EFCAB11: variants seen among roughly 807,000 people sequenced by gnomAD.
EFCAB11 encodes EF-hand calcium-binding domain-containing protein 11.
A neutral mutation model predicts 23.0 loss-of-function variants in EFCAB11; 14 were observed. The observed-to-expected ratio is 0.61, with a 90% CI of 0.40 to 0.95. The LOEUF is 0.95. Among genes scored for constraint, EFCAB11 ranks in the 40% least tolerant of loss-of-function variants. EFCAB11 has a pLI of 0.00. For missense variants in EFCAB11, 198 were observed against 195.8 expected (o/e 1.01, Z -0.07); for synonymous variants, 65 against 66.6 (o/e 0.98, Z 0.11).
At chr14:89,847,504 C>T (rs918148142) in intron 5 of EFCAB11, among the ~76,000 whole-genome samples, 4 of 152,100 alleles carry the variant, frequency 2.6e-5, no homozygotes, top group Admixed American at 6.5e-5. Context: ...CTTTGGGAGG[C>T]AGAGGCGGGC....
chr14:89,887,745 A>G (rs1175081110), intron 5 of EFCAB11, among the ~76,000 whole-genome samples: 2 of 152,252 alleles, frequency 1.3e-5, no homozygotes, highest in Non-Finnish European at 2.9e-5. Context: ...TATGGAATAA[A>G]GAAAGCAAAC....
intron 5 of EFCAB11, among the ~76,000 whole-genome samples, chr14:89,803,995 A>G (rs1056079005): frequency 1.3e-5 from 2 of 152,250 alleles, no homozygotes. Flanking sequence ...CTAGGCTCCA[A>G]CATGACTTTG....
At chr14:89,828,981 G>A (rs1387676514) in intron 5 of EFCAB11, among the ~76,000 whole-genome samples, 1 of 152,192 alleles carries the variant, frequency 6.6e-6, no homozygotes, top group Non-Finnish European at 1.5e-5. Context: ...GTTAAAGCTG[G>A]CAACGTATTT....
intron 5 of EFCAB11, among the ~76,000 whole-genome samples, chr14:89,877,044 GTT>G (rs148793164): frequency 6.8e-6 from 1 of 146,768 alleles, no homozygotes. Context: ...ATGACCAAAA[GTT>G]TTTTTTTTTT....
intron 5 of EFCAB11, among the ~76,000 whole-genome samples, chr14:89,929,871 C>T (rs1890330808): frequency 6.6e-6 from 1 of 152,146 alleles, no homozygotes; most frequent in Admixed American, 6.5e-5. Context: ...TCTTGAATGG[C>T]TATATTTAAA....
At chr14:89,827,073 T>G (rs147690747) in intron 5 of EFCAB11, among the ~76,000 whole-genome samples, 84 of 152,108 alleles carry the variant, frequency 5.5e-4, no homozygotes, top group African/African-American at 2.0e-3. Flanking sequence ...GAATTTAATA[T>G]AAAAGAAATA....
chr14:89,940,831 T>G (rs752973122), intron 3 of EFCAB11, among the ~76,000 whole-genome samples: 16 of 152,302 alleles, frequency 1.1e-4, no homozygotes, highest in Middle Eastern at 6.8e-3. Flanking sequence ...GAGGATTCAG[T>G]GGGACAATGC....
chr14:89,915,466 G>A (rs1889811331), intron 5 of EFCAB11, among the ~76,000 whole-genome samples: 1 of 152,228 alleles, frequency 6.6e-6, no homozygotes, highest in African/African-American at 2.4e-5. Flanking sequence ...ACCAACTGGT[G>A]AAAGAGGTGT....
At chr14:89,848,983 C>T (rs1439851709) in intron 5 of EFCAB11, 1 of 152,164 alleles carries the variant, frequency 6.6e-6, no homozygotes, top group African/African-American at 2.4e-5. Flanking sequence ...AAAGGAATAA[C>T]GTTCAGTGAT....
At position 89,932,475 on chromosome 14, in the gene EFCAB11, A is replaced by AT. The variant is rs1890423535; in HGVS notation, c.319+50_319+51insA. ...TTACTGGGTATATAATCCTATTTGC[A>AT]ATCCCTTAAAAGTAATTTTTTTTAC... On this transcript the variant is annotated intron_variant, in intron 4 of 5. Transcript: ENST00000316738. 2.1e-6 allele frequency: 3 copies of AT among 1,416,850 alleles called. No homozygotes were observed. In the African/African-American group the frequency reaches 4.4e-5, roughly 21 times the overall value. The allele number at this position is 1,416,850 out of a possible 1,614,324, so 87.8% of individuals were successfully genotyped here.
intron 3 of EFCAB11, among the ~76,000 whole-genome samples, chr14:89,940,463 TAATA>T (rs1302420332): frequency 2.6e-5 from 4 of 152,212 alleles, no homozygotes; most frequent in African/African-American, 9.6e-5. Context: ...GACAAGATAT[TAATA>T]AATAAAAGCA....
At chr14:89,818,930 C>T (rs1193694225) in intron 5 of EFCAB11, among the ~76,000 whole-genome samples, 1 of 152,136 alleles carries the variant, frequency 6.6e-6, no homozygotes, top group Admixed American at 6.5e-5. Context: ...GAAATGAAAA[C>T]AGGTACAGCC....
chr14:89,934,878 T>C (rs140953649), intron 3 of EFCAB11, among the ~76,000 whole-genome samples: 1 of 152,166 alleles, frequency 6.6e-6, no homozygotes, highest in Admixed American at 6.5e-5. Flanking sequence ...TATTCACTGA[T>C]AATGGCATGT....
chr14:89,843,452 C>T (rs779290992), intron 5 of EFCAB11, among the ~76,000 whole-genome samples: 3 of 152,020 alleles, frequency 2.0e-5, no homozygotes, highest in Admixed American at 6.6e-5. Context: ...CTCCTGCTTC[C>T]GAATTTCCTT....
rs181717105 is a variant in EFCAB11, at chr14:89,875,461, G to A, written c.410+56080C>T. ...TTGTTACAGCCAACTAAGATAGCAC[G>A]GGTCAAGAATGTTGAGGTGGAAAAA... On this transcript the variant is annotated intron_variant, in intron 5 of 5. Coordinates refer to ENST00000316738, the MANE Select transcript of EFCAB11 (RefSeq NM_145231.4). Among the ~76,000 whole-genome samples the A allele has an allele frequency of 2.1e-3, 327 of 152,248 alleles. 1 individual carries two copies. The highest frequency in any genetic ancestry group is 7.3e-3 in the African/African-American group (304 of 41,538).
chr14:89,847,436 C>A (rs1478385128), intron 5 of EFCAB11, among the ~76,000 whole-genome samples: 1 of 152,136 alleles, frequency 6.6e-6, no homozygotes, highest in East Asian at 1.9e-4. Context: ...CATATGCACA[C>A]TGATTAAGAA....
chr14:89,942,529 T>C (rs1890827532), intron 3 of EFCAB11, among the ~76,000 whole-genome samples: 1 of 152,194 alleles, frequency 6.6e-6, no homozygotes, highest in Admixed American at 6.5e-5. Context: ...CTTGGAAAAG[T>C]TATGAAGTGC....
intron 5 of EFCAB11, among the ~76,000 whole-genome samples, chr14:89,926,445 A>G (rs1360484811): frequency 6.6e-6 from 1 of 152,226 alleles, no homozygotes; most frequent in Admixed American, 6.5e-5. Context: ...CTACTACAAA[A>G]TAACAAGATA....
chr14:89,811,732 G>A lies in EFCAB11; in HGVS notation c.411-14408C>T, dbSNP rs1004904209. Among the ~76,000 whole-genome samples, 4 of 152,136 alleles carry A rather than the reference G, an allele frequency of 2.6e-5. No homozygotes were observed. The East Asian group carries it at 7.7e-4, about 29-fold the overall frequency. ...CTCCCCTTGAGCCTCCAGCAGGAAT[G>A]TGGCCCTGCTGACACCTGGATTTTA... On this transcript the variant is annotated intron_variant, in intron 5 of 5. Transcript: ENST00000316738.
Sources: allele counts gnomAD v4.1 joint callset (sites outside exome capture counted in the v4.1 genomes callset), GRCh38; gene constraint gnomAD v4.1.1; transcripts MANE v1.5; gene names NCBI Gene and HGNC (gene_info 2026-07-23, HGNC 2026-07-21).